The following DLG2 variants were observed in gnomAD, a reference collection of about 807,000 sequenced individuals.
The protein encoded by DLG2 is discs large MAGUK scaffold protein 2.
DLG2 carries 45 observed loss-of-function variants against 132.5 expected under a neutral mutation model. The ratio of observed to expected loss-of-function variants is 0.34; its 90% confidence interval spans 0.27 to 0.44. DLG2 has a LOEUF of 0.44. Among genes scored for constraint, DLG2 ranks in the 20% least tolerant of loss-of-function variants. The pLI is 1.00. For missense variants in DLG2, 1,045 were observed against 1,196.9 expected (o/e 0.87, Z 1.87); for synonymous variants, 424 against 419.6 (o/e 1.01, Z -0.13).
intron 11 of DLG2, among the ~76,000 whole-genome samples, chr11:84,022,575 C>T (rs1218045893): frequency 6.6e-6 from 1 of 152,090 alleles, no homozygotes; most frequent in East Asian, 1.9e-4. Flanking sequence ...ATTCTCTTCT[C>T]CAAAGAAAAC....
chr11:83,843,759 T>C (rs765427613), intron 16 of DLG2, among the ~76,000 whole-genome samples: 1 of 152,100 alleles, frequency 6.6e-6, no homozygotes, highest in Non-Finnish European at 1.5e-5. Context: ...TGGGGAAGTG[T>C]TGAAATTCCG....
chr11:85,178,763 A>G (rs1295389889), intron 4 of DLG2, among the ~76,000 whole-genome samples: 1 of 151,976 alleles, frequency 6.6e-6, no homozygotes, highest in Non-Finnish European at 1.5e-5. Context: ...CATAGACTAA[A>G]CATATGCAGA....
chr11:84,630,113 T>C (rs938545901), intron 6 of DLG2, among the ~76,000 whole-genome samples: 1 of 152,142 alleles, frequency 6.6e-6, no homozygotes, highest in South Asian at 2.1e-4. Flanking sequence ...GCTCAAGTAA[T>C]GAGTGATATT....
At chr11:85,196,957 A>T (rs1268128466) in intron 4 of DLG2, among the ~76,000 whole-genome samples, 1 of 152,220 alleles carries the variant, frequency 6.6e-6, no homozygotes, top group Non-Finnish European at 1.5e-5. Flanking sequence ...ATATCTGTTT[A>T]ATTTTGGCAC....
chr11:83,721,647 G>A (rs2088592281), intron 18 of DLG2, among the ~76,000 whole-genome samples: 1 of 152,212 alleles, frequency 6.6e-6, no homozygotes, highest in Non-Finnish European at 1.5e-5. Flanking sequence ...CAGCAATGAG[G>A]AAAGCACAGC....
At chr11:84,541,776 G>A (rs541530325) in intron 6 of DLG2, among the ~76,000 whole-genome samples, 5 of 152,062 alleles carry the variant, frequency 3.3e-5, no homozygotes, top group East Asian at 1.9e-4. Context: ...GAGCTTGCAC[G>A]CAGTTATACT....
At chr11:84,949,835 T>C (rs907702244) in intron 6 of DLG2, among the ~76,000 whole-genome samples, 2 of 152,138 alleles carry the variant, frequency 1.3e-5, no homozygotes, top group Non-Finnish European at 2.9e-5. Context: ...TACATCCTCC[T>C]CAACCGACAG....
At chr11:83,753,821 TTTCATATATATATGATA>T in intron 18 of DLG2, among the ~76,000 whole-genome samples, 1 of 70,588 alleles carries the variant, frequency 1.4e-5, no homozygotes, top group South Asian at 4.3e-4. Context: ...CATATATATA[TTTCATATATATATGATA>T]TATATCATAT....
intron 3 of DLG2, among the ~76,000 whole-genome samples, chr11:85,450,861 T>C (rs2092215014): frequency 6.6e-6 from 1 of 152,160 alleles, no homozygotes; most frequent in Non-Finnish European, 1.5e-5. Context: ...CTCCTACCCA[T>C]GTAGCTTTTT....
At position 84,033,226 on chromosome 11, in the gene DLG2, C is replaced by T. The variant is rs113664098; in HGVS notation, c.919+26089G>A. 7.2e-5 allele frequency among the ~76,000 whole-genome samples: 11 copies of T among 152,298 alleles called. 1 individual carries two copies. Among genetic ancestry groups the T allele is most frequent in the African/African-American group, 2.6e-4 (11 of 41,572 alleles). On this transcript the variant is annotated intron_variant, in intron 11 of 27. Coordinates refer to ENST00000376104, the MANE Select transcript of DLG2 (RefSeq NM_001142699.3). ...GATGCATCTGAGTAAAGTAAATTGA[C>T]AATCTTCCAGATGCCATTAGGAAGA...
intron 14 of DLG2, among the ~76,000 whole-genome samples, chr11:83,937,924 T>C (rs2081858048): frequency 6.6e-6 from 1 of 152,234 alleles, no homozygotes; most frequent in African/African-American, 2.4e-5. Flanking sequence ...TTCAGGAGTT[T>C]TAGAAGTAAT....
At chr11:83,975,594 G>A (rs2092082477) in intron 12 of DLG2, among the ~76,000 whole-genome samples, 1 of 151,666 alleles carries the variant, frequency 6.6e-6, no homozygotes, top group African/African-American at 2.4e-5. Flanking sequence ...ACTATTACAT[G>A]GAATTTTTAA....
At chr11:84,418,795 T>C (rs893760787) in intron 7 of DLG2, among the ~76,000 whole-genome samples, 1 of 152,212 alleles carries the variant, frequency 6.6e-6, no homozygotes, top group East Asian at 1.9e-4. Flanking sequence ...CTTATCCCGT[T>C]GCTTTCCCTG....
At chr11:85,350,788 A>G (rs2083229952) in intron 3 of DLG2, among the ~76,000 whole-genome samples, 1 of 152,210 alleles carries the variant, frequency 6.6e-6, no homozygotes, top group Non-Finnish European at 1.5e-5. Context: ...TGGTACCAGT[A>G]CCATGCTATT....
rs533915058 is a variant in DLG2, at chr11:84,284,899, G to T, written c.520-33608C>A. 2.6e-5 allele frequency among the ~76,000 whole-genome samples: 4 copies of T among 152,252 alleles called. No homozygotes were observed. The South Asian group carries it at 8.3e-4, about 32-fold the overall frequency. On this transcript the variant is annotated intron_variant, in intron 7 of 27. Coordinates refer to ENST00000376104, the MANE Select transcript of DLG2 (RefSeq NM_001142699.3). Reference sequence around the variant, plus strand: ...AGTGCATTGCCTGGCATATAACAAAGGACACCAAAGGTTTCTTAAATAAAT... The same window carrying T: ...AGTGCATTGCCTGGCATATAACAAATGACACCAAAGGTTTCTTAAATAAAT...
At chr11:84,219,089 T>C (rs556580223) in intron 8 of DLG2, among the ~76,000 whole-genome samples, 4 of 152,326 alleles carry the variant, frequency 2.6e-5, no homozygotes, top group Non-Finnish European at 5.9e-5. Flanking sequence ...GATTTACTGG[T>C]TGTCAAGATG....
chr11:84,624,758 T>C (rs992526013), intron 6 of DLG2, among the ~76,000 whole-genome samples: 3 of 150,796 alleles, frequency 2.0e-5, no homozygotes, highest in Non-Finnish European at 4.4e-5. Context: ...CTCCCCACTT[T>C]AACCCACACC....
At chr11:85,232,375 A>G (rs182962696) in intron 4 of DLG2, among the ~76,000 whole-genome samples, 1 of 152,082 alleles carries the variant, frequency 6.6e-6, no homozygotes, top group Admixed American at 6.6e-5. Flanking sequence ...TATAGAAAAT[A>G]TTCACAAATA....
At chr11:85,265,360 G>A (rs1228214378) in intron 4 of DLG2, among the ~76,000 whole-genome samples, 1 of 152,146 alleles carries the variant, frequency 6.6e-6, no homozygotes, top group African/African-American at 2.4e-5. Flanking sequence ...CAATCATAAA[G>A]GCAAATTTTT....
Sources: gnomAD v4.1 joint callset for allele counts (sites outside exome capture counted in the v4.1 genomes callset) on GRCh38, gnomAD v4.1.1 for gene constraint, MANE v1.5 for transcripts, NCBI Gene and HGNC (gene_info 2026-07-23, HGNC 2026-07-21) for gene names.